Variants in ZNF821 observed in about 807,000 individuals in gnomAD.
ZNF821 encodes the protein zinc finger protein 821.
Under a neutral mutation model 44.3 loss-of-function variants are expected in ZNF821, and 16 were observed. The ratio of observed to expected loss-of-function variants is 0.36; its 90% CI spans 0.24 to 0.55. The LOEUF is 0.55. Among genes scored for constraint, ZNF821 ranks in the 20% least tolerant of loss-of-function variants. ZNF821 has a pLI of 0.86. For missense variants in ZNF821, 436 were observed against 547.6 expected (o/e 0.80, Z 2.03); for synonymous variants, 204 against 197.6 (o/e 1.03, Z -0.27).
chr16:71,862,553 G>A (rs980768673), intron 6 of ZNF821, among the ~76,000 whole-genome samples: 10 of 152,152 alleles, frequency 6.6e-5, no homozygotes, highest in African/African-American at 2.4e-4. Context: ...TTCATGTCTC[G>A]GATAATTTCT....
intron 4 of ZNF821, among the ~76,000 whole-genome samples, 173 bp from the exon 5 acceptor site, chr16:71,865,221 C>T (rs946884156): frequency 2.0e-5 from 3 of 152,188 alleles, no homozygotes; most frequent in Admixed American, 6.5e-5. Context: ...CTATAGCTGT[C>T]ATTTGTTATG....
rs1388334219 is a variant in ZNF821, at chr16:71,860,400, T to G, written c.857A>C (p.Asp286Ala). Residue 286 changes from aspartate to alanine, a missense_variant, in exon 8 of 8, where the codon GAC becomes GCC. Physicochemically the swap from Asp to Ala is moderately radical, Grantham distance 126. Around this residue, in one of 5 missense-constraint regions of ZNF821, gnomAD observed 72 missense variants for 133.3 expected, o/e 0.54. Coordinates refer to ENST00000425432, the MANE Select transcript of ZNF821 (RefSeq NM_001201552.2). This position sits in a 1 kb window ranked among gnomAD's most constrained non-coding sequence, Gnocchi z 7.3. ...CTCCCGCTCCTCGGGGGTCTCATTGTCCCGCCGGCTCTTCTTGGCCGTGCG... is the reference window on the plus strand; with the variant it reads ...CTCCCGCTCCTCGGGGGTCTCATTGGCCCGCCGGCTCTTCTTGGCCGTGCG... ...RERTAKKSRR[D>A]NETPEEREVR... 1 of 1,612,580 alleles carries G rather than the reference T, an allele frequency of 6.2e-7. No homozygotes were observed. The highest frequency in any genetic ancestry group is 1.7e-5 in the Admixed American group (1 of 60,016).
chr16:71,875,698 G>A (rs921221234), intron 3 of ZNF821, among the ~76,000 whole-genome samples: 11 of 152,092 alleles, frequency 7.2e-5, no homozygotes, highest in East Asian at 1.9e-4. Context: ...TCCTGACCTC[G>A]TGATCCGCCG....
chr16:71,866,692 T>C (rs779874247), intron 4 of ZNF821, among the ~76,000 whole-genome samples: 5 of 152,244 alleles, frequency 3.3e-5, no homozygotes, highest in Non-Finnish European at 5.9e-5. Flanking sequence ...TTTGCAGATA[T>C]TGTAATTCCC....
At chr16:71,891,643 G>A (rs191309799) in intron 1 of ZNF821, among the ~76,000 whole-genome samples, 1 of 152,340 alleles carries the variant, frequency 6.6e-6, no homozygotes, top group East Asian at 1.9e-4. Context: ...GGAGGCCGAA[G>A]CCGGCAGATC....
chr16:71,864,872 G>C (rs528792170), intron 5 of ZNF821, 31 bp downstream of exon 5: 1 of 1,613,170 alleles, frequency 6.2e-7, no homozygotes, highest in East Asian at 2.2e-5. Context: ...GGGCATTGCT[G>C]GACCTGGACC....
intron 3 of ZNF821, among the ~76,000 whole-genome samples, chr16:71,872,778 A>G (rs1597166571): frequency 6.6e-6 from 1 of 152,194 alleles, no homozygotes; most frequent in East Asian, 1.9e-4. Context: ...TAACAGAATA[A>G]ATAAAAACTA....
chr16:71,891,776 G>A (rs2142502725), intron 1 of ZNF821, among the ~76,000 whole-genome samples: 1 of 152,204 alleles, frequency 6.6e-6, no homozygotes, highest in South Asian at 2.1e-4. Context: ...TTAGGAGGCT[G>A]AGGCGGGCGG....
At chr16:71,883,781 T>G (rs1834034) in intron 1 of ZNF821, 127 bp downstream of exon 1, 1 of 152,468 alleles carries the variant, frequency 6.6e-6, no homozygotes, top group African/African-American at 2.4e-5. Flanking sequence ...GCTGCCCCCC[T>G]AGGCCGGAGC....
chr16:71,876,461 T>C (rs1340079199), intron 3 of ZNF821, among the ~76,000 whole-genome samples: 1 of 152,182 alleles, frequency 6.6e-6, no homozygotes, highest in African/African-American at 2.4e-5. Flanking sequence ...TGCCTCGGCC[T>C]CCCAAAGTGC....
chr16:71,884,848 G>C (rs933198011), upstream of ZNF821: 13 of 144,326 alleles, frequency 9.0e-5, no homozygotes, highest in African/African-American at 3.3e-4. Context: ...ATGGAGAGCC[G>C]TTGGACCTTT....
rs374489141 is a variant in ZNF821, at chr16:71,868,134, G to A, written c.41-97C>T. On this transcript the variant is annotated intron_variant, in intron 3 of 7. Transcript: ENST00000425432. Reference sequence around the variant, plus strand: ...TCAGACCATTCAAAGGTAGGAGACAGGCAGGTACCCTGTGGTGGAGTCATT... The same window carrying A: ...TCAGACCATTCAAAGGTAGGAGACAAGCAGGTACCCTGTGGTGGAGTCATT... The A allele has an allele frequency of 3.6e-6, 5 of 1,388,328 alleles. No individual in the cohort carries two copies. In the East Asian group the frequency reaches 1.0e-4, roughly 28 times the overall value. The allele number at this position is 1,388,328 out of a possible 1,614,324, so 86.0% of individuals were successfully genotyped here. A position where few individuals can be genotyped will look rare whatever the true frequency, so the allele number is the denominator to read the frequency against.
chr16:71,865,297 A>G (rs1213703983), intron 4 of ZNF821, among the ~76,000 whole-genome samples: 6 of 152,188 alleles, frequency 3.9e-5, no homozygotes, highest in African/African-American at 1.2e-4. Flanking sequence ...TGCCCTCTAC[A>G]TGATTATAAA....
At chr16:71,878,979 CAAGGT>C (rs2036148871) in intron 3 of ZNF821, among the ~76,000 whole-genome samples, 1 of 151,520 alleles carries the variant, frequency 6.6e-6, no homozygotes, top group Non-Finnish European at 1.5e-5. Flanking sequence ...GAAAACAACA[CAAGGT>C]AATAGTGTAT....
At chr16:71,886,525 A>G (rs998123807), upstream of ZNF821, among the ~76,000 whole-genome samples, 1 of 152,206 alleles carries the variant, frequency 6.6e-6, no homozygotes, top group Non-Finnish European at 1.5e-5. Flanking sequence ...TGCCACTTCA[A>G]CTATTTAACT....
chr16:71,870,534 C>T (rs2035073596), intron 3 of ZNF821, among the ~76,000 whole-genome samples: 1 of 145,260 alleles, frequency 6.9e-6, no homozygotes, highest in Admixed American at 7.1e-5. Flanking sequence ...GGCTGGAGTG[C>T]AGTGGCGTGA....
intron 1 of ZNF821, 153 bp from the exon 2 acceptor site, chr16:71,883,426 A>T (rs2036633617): frequency 2.9e-6 from 1 of 346,384 alleles, no homozygotes; most frequent in Non-Finnish European, 5.7e-6. Flanking sequence ...GAATTACCAG[A>T]CAAGAGCCTG....
intron 4 of ZNF821, among the ~76,000 whole-genome samples, chr16:71,865,749 G>C (rs1597139845): frequency 6.6e-6 from 1 of 152,208 alleles, no homozygotes; most frequent in Non-Finnish European, 1.5e-5. Flanking sequence ...CATTGTTTCT[G>C]TTGATTATTT....
upstream of ZNF821, among the ~76,000 whole-genome samples, chr16:71,885,935 T>A (rs189914525): frequency 6.6e-6 from 1 of 152,358 alleles, no homozygotes; most frequent in East Asian, 1.9e-4. Context: ...CTGGCTTTTA[T>A]ATTTAACAGT....
Sources: allele counts gnomAD v4.1 joint callset (sites outside exome capture counted in the v4.1 genomes callset), GRCh38; gene constraint gnomAD v4.1.1; regional missense constraint gnomAD v4.1.1; non-coding constraint Gnocchi (gnomAD v3.1); transcripts MANE v1.5; gene names NCBI Gene and HGNC (gene_info 2026-07-23, HGNC 2026-07-21).